GSE1: variants seen among roughly 807,000 people sequenced by gnomAD.
The protein encoded by GSE1 is genetic suppressor element 1.
A neutral mutation model predicts 112.6 loss-of-function variants in GSE1; 32 were observed. The ratio of observed to expected loss-of-function variants is 0.28; its 90% CI spans 0.21 to 0.38. GSE1 has a LOEUF of 0.38. Among genes scored for constraint, GSE1 ranks in the 10% least tolerant of loss-of-function variants. The pLI, the probability that GSE1 is intolerant of heterozygous loss-of-function variation, is 1.00. For missense variants in GSE1, 2,348 were observed against 1,699.2 expected, an observed-to-expected ratio of 1.38 and a Z score of -6.71; for synonymous variants, 1,115 against 735.6, an observed-to-expected ratio of 1.52 and a Z score of -8.35.
intron 1 of GSE1, among the ~76,000 whole-genome samples, chr16:85,246,429 C>T (rs1905784766): frequency 1.3e-5 from 1 of 77,534 alleles, no homozygotes; most frequent in Non-Finnish European, 2.7e-5. Flanking sequence ...ACACCCCATG[C>T]TCTCTACACA....
At chr16:85,314,234 C>G (rs1028165798) in intron 1 of GSE1, among the ~76,000 whole-genome samples, 1 of 152,100 alleles carries the variant, frequency 6.6e-6, no homozygotes, top group Non-Finnish European at 1.5e-5. Context: ...GGCATTCTGC[C>G]GGCTAGTGCC....
chr16:85,523,226 C>A (rs2052249639), intron 2 of GSE1, among the ~76,000 whole-genome samples: 2 of 143,928 alleles, frequency 1.4e-5, no homozygotes, highest in South Asian at 4.5e-4. Flanking sequence ...CTGTGTGTCC[C>A]CTGTGTGTTG....
intron 1 of GSE1, among the ~76,000 whole-genome samples, chr16:85,575,056 C>T (rs1567606276): frequency 1.3e-5 from 2 of 152,078 alleles, no homozygotes; most frequent in South Asian, 2.1e-4. Context: ...TCTCCCCCGC[C>T]CCCCGGCTTT....
intron 2 of GSE1, among the ~76,000 whole-genome samples, chr16:85,518,578 C>T (rs1333387257): frequency 1.3e-5 from 2 of 152,146 alleles, no homozygotes; most frequent in East Asian, 1.9e-4. Flanking sequence ...CCAGCAGTTG[C>T]TCTCTCTGAG....
chr16:85,354,043 C>G (rs768826302), intron 1 of GSE1, among the ~76,000 whole-genome samples: 1 of 152,228 alleles, frequency 6.6e-6, no homozygotes, highest in Non-Finnish European at 1.5e-5. Context: ...TGTTCCCACT[C>G]CCTTTCAAAT....
intron 1 of GSE1, among the ~76,000 whole-genome samples, chr16:85,336,504 G>T (rs1300904041): frequency 6.6e-6 from 1 of 152,200 alleles, no homozygotes; most frequent in African/African-American, 2.4e-5. Flanking sequence ...TAGGACACTG[G>T]TGGCTTTCTG....
intron 1 of GSE1, among the ~76,000 whole-genome samples, chr16:85,568,173 G>C (rs138217545): frequency 2.6e-4 from 40 of 152,360 alleles, no homozygotes; most frequent in African/African-American, 9.6e-4. Context: ...TTTCCAGAGA[G>C]TGGTAGCCTT....
chr16:85,608,628 C>T (rs1040112080), upstream of GSE1, among the ~76,000 whole-genome samples: 5 of 152,206 alleles, frequency 3.3e-5, no homozygotes, highest in African/African-American at 9.6e-5. Context: ...GGATGAGACT[C>T]GTGCTGGAAT....
chr16:85,568,353 G>A (rs1022278757), intron 1 of GSE1, among the ~76,000 whole-genome samples: 17 of 152,182 alleles, frequency 1.1e-4, no homozygotes, highest in African/African-American at 3.6e-4. Context: ...TTTCAGGTTC[G>A]CCAGCCCTCT....
chr16:85,637,421 G>C (rs183590317), intron 2 of GSE1, among the ~76,000 whole-genome samples: 2 of 152,350 alleles, frequency 1.3e-5, no homozygotes, highest in Admixed American at 1.3e-4. Context: ...CCTGGAGTTG[G>C]ACCAGTGAGG....
rs530224972 is a variant in GSE1, at chr16:85,528,030, G to A, written c.2465-105884G>A. Among the ~76,000 whole-genome samples the A allele has an allele frequency of 2.6e-5, 4 of 152,316 alleles. No individual in the cohort carries two copies. The East Asian group carries it at 5.8e-4, about 22-fold the overall frequency. On this transcript the variant is annotated intron_variant, in intron 2 of 2. Coordinates refer to the GSE1 transcript ENST00000637419. ...GGGAGAGACGAGGACAGCTGCAGAG[G>A]TGGGCAGGGGTGTGGGGGGGCCCCA...
At chr16:85,224,500 G>C (rs926219892) in intron 1 of GSE1, among the ~76,000 whole-genome samples, 2 of 152,020 alleles carry the variant, frequency 1.3e-5, no homozygotes, top group Non-Finnish European at 2.9e-5. Context: ...TGACTCTCTA[G>C]GTTCCTGGAT....
At chr16:85,549,214 G>A (rs952641257) in intron 2 of GSE1, among the ~76,000 whole-genome samples, 17 of 147,638 alleles carry the variant, frequency 1.2e-4, no homozygotes, top group African/African-American at 3.3e-4. Flanking sequence ...TTGCTCTGTC[G>A]CCTAGGCTGG....
intron 1 of GSE1, among the ~76,000 whole-genome samples, chr16:85,173,363 G>T (rs2074396876): frequency 1.3e-5 from 2 of 152,232 alleles, no homozygotes; most frequent in African/African-American, 4.8e-5. Context: ...TGGAATGTCA[G>T]TTTCCTTGGT....
chr16:85,579,273 C>T (rs1184081263), intron 1 of GSE1, among the ~76,000 whole-genome samples: 1 of 152,066 alleles, frequency 6.6e-6, no homozygotes, highest in East Asian at 1.9e-4. Context: ...GGGCTTCTGC[C>T]TGGAGGGTAG....
At chr16:85,190,132 A>G (rs1036487328) in intron 1 of GSE1, among the ~76,000 whole-genome samples, 9 of 152,196 alleles carry the variant, frequency 5.9e-5, no homozygotes, top group African/African-American at 1.7e-4. Flanking sequence ...TCTTCTCTCT[A>G]TGCATTGAGC....
Position 85,408,117 on chromosome 16 carries a change from T to C in GSE1, c.2464+50474T>C, listed in dbSNP as rs532417685. 3.0e-3 allele frequency among the ~76,000 whole-genome samples: 122 copies of C among 41,074 alleles called. 35 individuals are homozygous for C. The highest frequency in any genetic ancestry group is 0.014 in the African/African-American group (118 of 8,628). 26.9% of individuals were successfully genotyped at this position (41,074 alleles called of 152,430 possible). ...GGCCCCCCTGGATAATCCTCACTGTTACTCTCAGGCCCCCTGGATAATCCT... is the reference window on the plus strand; with the variant it reads ...GGCCCCCCTGGATAATCCTCACTGTCACTCTCAGGCCCCCTGGATAATCCT... On this transcript the variant is annotated intron_variant, in intron 2 of 2. Coordinates refer to the GSE1 transcript ENST00000637419.
intron 1 of GSE1, among the ~76,000 whole-genome samples, chr16:85,337,002 A>G (rs1389885344): frequency 3.3e-5 from 1 of 30,582 alleles, no homozygotes; most frequent in Non-Finnish European, 6.8e-5. Flanking sequence ...AGACATGTAC[A>G]CACACATATC....
At chr16:85,651,963 G>A (rs546200841) in intron 3 of GSE1, among the ~76,000 whole-genome samples, 4 of 152,338 alleles carry the variant, frequency 2.6e-5, no homozygotes, top group East Asian at 1.9e-4. Context: ...CTCGTGCTCC[G>A]TTCCTCAGAT....
Sources: allele counts gnomAD v4.1 joint callset (sites outside exome capture counted in the v4.1 genomes callset), GRCh38; gene constraint gnomAD v4.1.1; transcripts MANE v1.5; gene names NCBI Gene and HGNC (gene_info 2026-07-23, HGNC 2026-07-21).